SHISA6: variants seen among roughly 807,000 people sequenced by gnomAD.
SHISA6 encodes the protein shisa family member 6, also known as protein shisa-6.
A neutral mutation model predicts 47.9 loss-of-function variants in SHISA6; 22 were observed. That is an observed-to-expected ratio of 0.46 (90% CI 0.33 to 0.66). SHISA6 has a LOEUF of 0.66. Among genes scored for constraint, SHISA6 ranks in the 30% least tolerant of loss-of-function variants. The pLI is 0.02. For synonymous variants in SHISA6, 388 were observed against 337.8 expected, an observed-to-expected ratio of 1.15 and a Z score of -1.63; for missense variants, 680 against 764.6, an observed-to-expected ratio of 0.89 and a Z score of 1.30.
intron 2 of SHISA6, among the ~76,000 whole-genome samples, chr17:11,325,431 C>T (rs1278862889): frequency 6.6e-6 from 1 of 152,236 alleles, no homozygotes; most frequent in African/African-American, 2.4e-5. Flanking sequence ...AAATGGCCAT[C>T]TCCTTGTCCA....
intron 3 of SHISA6, among the ~76,000 whole-genome samples, chr17:11,473,943 G>A (rs1375775122): frequency 6.6e-6 from 1 of 151,312 alleles, no homozygotes; most frequent in Non-Finnish European, 1.5e-5. Context: ...AGTGTGTGTT[G>A]TCCCCCTCCC....
intron 2 of SHISA6, among the ~76,000 whole-genome samples, chr17:11,347,810 G>C (rs1359696714): frequency 3.9e-5 from 6 of 152,136 alleles, no homozygotes; most frequent in African/African-American, 1.4e-4. Flanking sequence ...TTTTCTCTGG[G>C]AGCCCTGCTG....
chr17:11,270,282 A>G (rs1908590835), intron 2 of SHISA6, among the ~76,000 whole-genome samples: 1 of 152,162 alleles, frequency 6.6e-6, no homozygotes, highest in Non-Finnish European at 1.5e-5. Context: ...TGAGGAGTGT[A>G]TTTAAGTGTG....
chr17:11,521,837 T>C (rs888314788), intron 3 of SHISA6, among the ~76,000 whole-genome samples: 2 of 152,176 alleles, frequency 1.3e-5, no homozygotes, highest in African/African-American at 4.8e-5. Flanking sequence ...ACTATATCTC[T>C]TATCTCTCAG....
intron 3 of SHISA6, among the ~76,000 whole-genome samples, chr17:11,451,006 A>AC (rs556630417): frequency 0.035 from 5,364 of 151,866 alleles, 116 homozygotes; most frequent in Non-Finnish European, 0.043. Context: ...AAAAAAAAAA[A>AC]AAAAAAACAG....
At chr17:11,485,165 G>A (rs1207624766) in intron 3 of SHISA6, among the ~76,000 whole-genome samples, 1 of 152,090 alleles carries the variant, frequency 6.6e-6, no homozygotes, top group Non-Finnish European at 1.5e-5. Context: ...CAGATGAGGT[G>A]TTTTTATTAT....
chr17:11,482,075 G>A (rs1438284852), intron 3 of SHISA6, among the ~76,000 whole-genome samples: 1 of 151,996 alleles, frequency 6.6e-6, no homozygotes, highest in Non-Finnish European at 1.5e-5. Flanking sequence ...TTCTTGAATA[G>A]GAGACCAGAA....
chr17:11,243,819 G>A (rs564228047), intron 1 of SHISA6, among the ~76,000 whole-genome samples: 28 of 152,192 alleles, frequency 1.8e-4, no homozygotes, highest in Middle Eastern at 3.4e-3. Context: ...GACCACAGCC[G>A]CTTGCTCGTT....
chr17:11,504,477 A>G (rs1469461931), intron 3 of SHISA6, among the ~76,000 whole-genome samples: 1 of 152,206 alleles, frequency 6.6e-6, no homozygotes, highest in Non-Finnish European at 1.5e-5. Flanking sequence ...GACTTGTCTC[A>G]AGGTTTTGAC....
chr17:11,300,309 C>T (rs1390425646), intron 2 of SHISA6, among the ~76,000 whole-genome samples: 1 of 152,194 alleles, frequency 6.6e-6, no homozygotes, highest in Non-Finnish European at 1.5e-5. Flanking sequence ...GGGCCCTGGG[C>T]ACCACTGTGC....
At chr17:11,320,344 G>C (rs1392189154) in intron 2 of SHISA6, among the ~76,000 whole-genome samples, 1 of 152,050 alleles carries the variant, frequency 6.6e-6, no homozygotes, top group Non-Finnish European at 1.5e-5. Context: ...TTTGTGCATG[G>C]GGGGTGGGGC....
At chr17:11,276,864 T>C (rs1241612336) in intron 2 of SHISA6, among the ~76,000 whole-genome samples, 1 of 152,212 alleles carries the variant, frequency 6.6e-6, no homozygotes, top group African/African-American at 2.4e-5. Flanking sequence ...AGTTCAAGGA[T>C]GTTCACTTAC....
chr17:11,421,029 A>G (rs1914440246), intron 3 of SHISA6, among the ~76,000 whole-genome samples: 1 of 152,138 alleles, frequency 6.6e-6, no homozygotes, highest in South Asian at 2.1e-4. Flanking sequence ...GCGGGACTGA[A>G]GCCCATTTCT....
intron 2 of SHISA6, among the ~76,000 whole-genome samples, chr17:11,346,650 T>C: frequency 6.6e-6 from 1 of 152,312 alleles, no homozygotes; most frequent in East Asian, 1.9e-4. Flanking sequence ...TTGAAAATAA[T>C]TTATCCCAAT....
At chr17:11,446,350 C>T (rs1461555937) in intron 3 of SHISA6, among the ~76,000 whole-genome samples, 2 of 152,176 alleles carry the variant, frequency 1.3e-5, no homozygotes, top group African/African-American at 4.8e-5. Context: ...CACACTAGAC[C>T]TTCATCTATG....
chr17:11,558,410 C>G lies in SHISA6; in HGVS notation c.*106C>G. On this transcript the variant is annotated 3_prime_UTR_variant, in exon 6 of 6. Transcript: ENST00000441885. ...TTGCCACTCTCCCTTCCCTTGTCCC[C>G]TCTGTAGGAAGTGGGGGTGGGCCAC... 7.6e-7 allele frequency: 1 copy of G among 1,323,620 alleles called. No individual in the cohort carries two copies. Among genetic ancestry groups the G allele is most frequent in the Non-Finnish European group, 1.0e-6 (1 of 986,930 alleles). 82.0% of individuals were successfully genotyped at this position (1,323,620 alleles called of 1,614,324 possible). A position where few individuals can be genotyped will look rare whatever the true frequency, so the allele number is the denominator to read the frequency against.
chr17:11,504,236 C>A (rs1223005657), intron 3 of SHISA6, among the ~76,000 whole-genome samples: 2 of 152,140 alleles, frequency 1.3e-5, no homozygotes, highest in African/African-American at 2.4e-5. Context: ...TCCAGAGTGT[C>A]CTGTGTGAAA....
intron 3 of SHISA6, among the ~76,000 whole-genome samples, chr17:11,528,009 TATTA>T (rs2071700615): frequency 2.0e-5 from 3 of 152,202 alleles, no homozygotes; most frequent in Admixed American, 1.3e-4. Flanking sequence ...CTCATTGGTA[TATTA>T]ATTGTGTTTT....
intron 2 of SHISA6, among the ~76,000 whole-genome samples, chr17:11,353,258 G>A (rs1287756931): frequency 1.3e-5 from 2 of 151,958 alleles, no homozygotes; most frequent in African/African-American, 2.4e-5. Context: ...GGAGTTCGAG[G>A]CCAGCCTGGC....
Sources: gnomAD v4.1 joint callset for allele counts (sites outside exome capture counted in the v4.1 genomes callset) on GRCh38, gnomAD v4.1.1 for gene constraint, MANE v1.5 for transcripts, NCBI Gene and HGNC (gene_info 2026-07-23, HGNC 2026-07-21) for gene names.